Variants in PLGRKT observed in about 807,000 individuals in gnomAD.
PLGRKT encodes the protein plasminogen receptor with a C-terminal lysine.
PLGRKT carries 22 observed loss-of-function variants against 18.5 expected under a neutral mutation model. The observed-to-expected ratio is 1.19, with a 90% CI of 0.85 to 1.70. The LOEUF is 1.70. Ranked by LOEUF, PLGRKT falls within the 40% of genes most tolerant of loss-of-function variation. The pLI, the probability that PLGRKT is intolerant of heterozygous loss-of-function variation, is 0.00. For missense variants in PLGRKT, 235 were observed against 174.4 expected, an observed-to-expected ratio of 1.35 and a Z score of -1.96; for synonymous variants, 72 against 52.8, an observed-to-expected ratio of 1.36 and a Z score of -1.58.
intron 3 of PLGRKT, among the ~76,000 whole-genome samples, chr9:5,365,295 C>G (rs2131063798): frequency 6.6e-6 from 1 of 152,224 alleles, no homozygotes; most frequent in African/African-American, 2.4e-5. Flanking sequence ...TCTGAAAGAG[C>G]TCCTAATGTC....
intron 3 of PLGRKT, among the ~76,000 whole-genome samples, chr9:5,427,931 G>A (rs1818734866): frequency 6.6e-6 from 1 of 152,326 alleles, no homozygotes; most frequent in Admixed American, 6.5e-5. Flanking sequence ...TGTCCTATGT[G>A]TTAAATGTGG....
At chr9:5,365,277 G>A (rs188559260) in intron 3 of PLGRKT, among the ~76,000 whole-genome samples, 1 of 152,172 alleles carries the variant, frequency 6.6e-6, no homozygotes, top group Admixed American at 6.5e-5. Flanking sequence ...AAGGGACACA[G>A]GGGTCAATCT....
chr9:5,361,434 T>C (rs1408891957), intron 4 of PLGRKT, among the ~76,000 whole-genome samples: 1 of 152,198 alleles, frequency 6.6e-6, no homozygotes, highest in Non-Finnish European at 1.5e-5. Flanking sequence ...CTCAGGTTCC[T>C]TGTTTTTAAA....
intron 3 of PLGRKT, among the ~76,000 whole-genome samples, chr9:5,362,538 C>A (rs1302121094): frequency 6.6e-6 from 1 of 152,066 alleles, no homozygotes; most frequent in African/African-American, 2.4e-5. Flanking sequence ...GTCTGTAAAC[C>A]CAAGCCCATT....
chr9:5,369,790 G>A (rs1282532746), intron 3 of PLGRKT, among the ~76,000 whole-genome samples: 1 of 152,152 alleles, frequency 6.6e-6, no homozygotes, highest in Non-Finnish European at 1.5e-5. Context: ...CCTTTGCAGG[G>A]ACATGGATGA....
At position 5,431,892 on chromosome 9, in the gene PLGRKT, C is replaced by T; in HGVS notation, c.81+5G>A. 1 of 1,377,354 alleles carries T rather than the reference C, an allele frequency of 7.3e-7. No individual in the cohort carries two copies. The highest frequency in any genetic ancestry group is 1.2e-5 in the South Asian group (1 of 85,398). The allele number at this position is 1,377,354 out of a possible 1,614,324, so 85.3% of individuals were successfully genotyped here. A position where few individuals can be genotyped will look rare whatever the true frequency, so the allele number is the denominator to read the frequency against. On this transcript the variant is annotated splice_donor_5th_base_variant and intron_variant, in intron 3 of 5. Transcript: ENST00000223864. Reference sequence around the variant, plus strand: ...ACATAATAGCTTAATTATTTTAAAACATACCTGAAGTCGAGCATTCATAAG... The same window carrying T: ...ACATAATAGCTTAATTATTTTAAAATATACCTGAAGTCGAGCATTCATAAG...
chr9:5,387,637 T>G (rs1817869189), intron 3 of PLGRKT, among the ~76,000 whole-genome samples: 1 of 150,600 alleles, frequency 6.6e-6, no homozygotes, highest in African/African-American at 2.5e-5. Flanking sequence ...TGGTGACTTT[T>G]AGCACTGAGA....
At chr9:5,395,115 A>AAAG (rs1193557133) in intron 3 of PLGRKT, among the ~76,000 whole-genome samples, 2 of 151,890 alleles carry the variant, frequency 1.3e-5, no homozygotes, top group Non-Finnish European at 2.9e-5. Context: ...CAAAAAAAAA[A>AAAG]AAACTTAATG....
At position 5,418,898 on chromosome 9, in the gene PLGRKT, G is replaced by T; in HGVS notation, c.81+12999C>A. 1 of 963,598 alleles carries T rather than the reference G, an allele frequency of 1.0e-6. No individual in the cohort carries two copies. The highest frequency in any genetic ancestry group is 1.3e-5 in the South Asian group (1 of 74,714). The allele number at this position is 963,598 out of a possible 1,614,324, so 59.7% of individuals were successfully genotyped here. A position where few individuals can be genotyped will look rare whatever the true frequency, so the allele number is the denominator to read the frequency against. On this transcript the variant is annotated intron_variant, in intron 3 of 5. Transcript: ENST00000223864. The surrounding 1 kb of genome is among the most constrained non-coding windows in gnomAD (Gnocchi z 4.2). The stretch of plus-strand genomic sequence containing the variant: ...GAACAGCAGGTGTGCTTGCAATCCA[G>T]CAACTTGGCCTTCACTAGGGGCTGC...
chr9:5,421,187 T>C (rs991956852), intron 3 of PLGRKT, among the ~76,000 whole-genome samples: 5 of 152,180 alleles, frequency 3.3e-5, no homozygotes, highest in Non-Finnish European at 5.9e-5. Flanking sequence ...ACCAGCCTCT[T>C]TGCTGTTCTT....
chr9:5,367,574 T>C (rs957276416), intron 3 of PLGRKT, among the ~76,000 whole-genome samples: 1 of 152,138 alleles, frequency 6.6e-6, no homozygotes, highest in Non-Finnish European at 1.5e-5. Flanking sequence ...CCTATCACCA[T>C]ATACAAAACT....
rs16923139 is a variant in PLGRKT, at chr9:5,395,020, T to C, written c.82-33132A>G. 9.9e-3 allele frequency among the ~76,000 whole-genome samples: 1,504 copies of C among 151,580 alleles called. 60 individuals carry two copies. The highest frequency in any genetic ancestry group is 0.07 in the Admixed American group (1,065 of 15,232). ...TTGAAAGATTCCGACTTTTTTGTTT[T>C]ACATTTTATTAGAAGGCATTATGAC... is the stretch of plus-strand genomic sequence containing the variant. On this transcript the variant is annotated intron_variant, in intron 3 of 5. Coordinates refer to ENST00000223864, the MANE Select transcript of PLGRKT (RefSeq NM_018465.4).
chr9:5,370,461 C>G (rs1179970035), intron 3 of PLGRKT, among the ~76,000 whole-genome samples: 2 of 152,272 alleles, frequency 1.3e-5, no homozygotes, highest in Admixed American at 6.5e-5. Flanking sequence ...TTTACTGGAG[C>G]CTTCCCTATT....
chr9:5,430,546 T>G (rs776071199), intron 3 of PLGRKT, among the ~76,000 whole-genome samples: 2 of 152,244 alleles, frequency 1.3e-5, no homozygotes, highest in Non-Finnish European at 2.9e-5. Flanking sequence ...TCTAAAAACT[T>G]GAGGCATTGT....
intron 3 of PLGRKT, chr9:5,381,997 C>T (rs920339329): frequency 1.0e-6 from 1 of 985,190 alleles, no homozygotes; most frequent in African/African-American, 1.7e-5. Flanking sequence ...GCTTGTTTAC[C>T]CAGTCACAAG....
chr9:5,392,152 G>T (rs1317008912), intron 3 of PLGRKT, among the ~76,000 whole-genome samples: 1 of 151,934 alleles, frequency 6.6e-6, no homozygotes, highest in Non-Finnish European at 1.5e-5. Context: ...TTAAATCTCA[G>T]ACGCTGTAAT....
intron 5 of PLGRKT, among the ~76,000 whole-genome samples, chr9:5,359,760 G>A (rs1817222316): frequency 6.6e-6 from 1 of 152,170 alleles, no homozygotes; most frequent in Non-Finnish European, 1.5e-5. Flanking sequence ...TTCTGTGCCA[G>A]CTGGGTCAAA....
At position 5,359,923 on chromosome 9, in the gene PLGRKT, T is replaced by A. The variant is rs555735023; in HGVS notation, c.322+1155A>T. Among the ~76,000 whole-genome samples the A allele has an allele frequency of 2.0e-5, 3 of 152,342 alleles. No individual in the cohort carries two copies. In the East Asian group the frequency reaches 5.8e-4, roughly 29 times the overall value. The stretch of plus-strand genomic sequence containing the variant: ...TGTTCACTATACATAAAAATATGTA[T>A]CATAATAAAATGTACATAAAATTCC... On this transcript the variant is annotated intron_variant, in intron 5 of 5. Transcript: ENST00000223864.
rs572212870 is a variant in PLGRKT at position 5,379,590 on chromosome 9, A to G, written c.82-17702T>C. 2.0e-5 allele frequency among the ~76,000 whole-genome samples: 3 copies of G among 152,326 alleles called. No individual in the cohort carries two copies. The South Asian group carries it at 6.2e-4, about 32-fold the overall frequency. On this transcript the variant is annotated intron_variant, in intron 3 of 5. Transcript: ENST00000223864. Reference sequence around the variant, plus strand: ...TATATATGATTTAACAAATAATAGTAAAGAAAATCTACAAGCCAATAAAGT... The same window carrying G: ...TATATATGATTTAACAAATAATAGTGAAGAAAATCTACAAGCCAATAAAGT...
Sources: allele counts gnomAD v4.1 joint callset (sites outside exome capture counted in the v4.1 genomes callset), GRCh38; gene constraint gnomAD v4.1.1; non-coding constraint Gnocchi (gnomAD v3.1); transcripts MANE v1.5; gene names NCBI Gene and HGNC (gene_info 2026-07-23, HGNC 2026-07-21).